Variants in LGALS3 observed in about 807,000 individuals in gnomAD.
LGALS3 encodes the protein galectin 3, also known as galectin-3.
Under a neutral mutation model 20.7 loss-of-function variants are expected in LGALS3, and 18 were observed. The ratio of observed to expected loss-of-function variants is 0.87; its 90% CI spans 0.60 to 1.29. LGALS3 has a LOEUF of 1.29. Among genes scored for constraint, LGALS3 ranks in the 50% most tolerant of loss-of-function variants. The pLI is 0.00. For synonymous variants in LGALS3, 112 were observed against 119.6 expected (o/e 0.94, Z 0.42); for missense variants, 315 against 314.7 (o/e 1.00, Z -0.01).
intron 4 of LGALS3, among the ~76,000 whole-genome samples, chr14:55,141,463 A>G (rs1881620691): frequency 1.3e-5 from 2 of 152,164 alleles, no homozygotes; most frequent in South Asian, 4.1e-4. Context: ...CACAACCCCT[A>G]ACGCACACTG....
chr14:55,136,114 A>G (rs939572532), intron 1 of LGALS3, among the ~76,000 whole-genome samples: 14 of 152,188 alleles, frequency 9.2e-5, no homozygotes, highest in Non-Finnish European at 1.5e-4. Context: ...GCTGTGAAGC[A>G]TCTTGTGCTT....
Position 55,142,686 on chromosome 14 carries a change from T to G in LGALS3, c.534T>G (p.Asp178Glu). ...RRVIVCNTKLDNNWGREERQS... is the reference protein window; with the variant it reads ...RRVIVCNTKLENNWGREERQS... Reference sequence around the variant, plus strand: ...TCATTGTTTGCAATACAAAGCTGGATAATAACTGGGGAAGGGAAGAAAGAC... The same window carrying G: ...TCATTGTTTGCAATACAAAGCTGGAGAATAACTGGGGAAGGGAAGAAAGAC... The change falls in exon 5 of 6, where the codon GAT becomes GAG. Residue 178 changes from aspartate (D) to glutamate (E), a missense_variant. By Grantham distance (45) the Asp-to-Glu change is conservative. Coordinates refer to ENST00000254301, the MANE Select transcript of LGALS3 (RefSeq NM_002306.4). 1.2e-6 allele frequency: 2 copies of G among 1,614,008 alleles called. No individual in the cohort carries two copies. The highest frequency in any genetic ancestry group is 1.6e-4 in the Middle Eastern group (1 of 6,062).
In LGALS3 at chr14:55,138,492, C is replaced by G. The variant is rs536046363; in HGVS notation, c.342+124C>G. The G allele has an allele frequency of 1.6e-5, 16 of 1,020,714 alleles. No individual in the cohort carries two copies. In the African/African-American group the frequency reaches 2.2e-4, roughly 14 times the overall value. The allele number at this position is 1,020,714 out of a possible 1,614,324, so 63.2% of individuals were successfully genotyped here. Reference sequence around the variant, plus strand: ...AGCCATGGGTGTATGTTGGTAGAGTCAAAAAATTAAGTGTTCATATTGAGC... The same window carrying G: ...AGCCATGGGTGTATGTTGGTAGAGTGAAAAAATTAAGTGTTCATATTGAGC... On this transcript the variant is annotated intron_variant, in intron 3 of 5. Transcript: ENST00000254301.
At chr14:55,136,279 C>T (rs1287043186) in intron 1 of LGALS3, among the ~76,000 whole-genome samples, 2 of 151,982 alleles carry the variant, frequency 1.3e-5, no homozygotes, top group Non-Finnish European at 2.9e-5. Flanking sequence ...TGTTGTACTG[C>T]CAAATATTTT....
chr14:55,137,915 A>T (rs1881461600), intron 2 of LGALS3, 130 bp from the exon 3 acceptor site: 7 of 1,335,934 alleles, frequency 5.2e-6, no homozygotes, highest in Admixed American at 3.6e-5. Context: ...AAGTGGAAAA[A>T]GTTTAATGAT....
rs757653263 is a variant in LGALS3 at position 55,140,284 on chromosome 14, TA to T, written c.353del (p.Tyr118LeufsTer14). 2 of 1,612,496 alleles carry T rather than the reference TA, an allele frequency of 1.2e-6. No individual in the cohort carries two copies. Among genetic ancestry groups the T allele is most frequent in the Non-Finnish European group, 1.7e-6 (2 of 1,178,640 alleles). On this transcript the variant is annotated frameshift_variant, in exon 4 of 6. Coordinates refer to ENST00000254301, the MANE Select transcript of LGALS3 (RefSeq NM_002306.4). LOFTEE classifies it high-confidence loss of function. Reference protein sequence around the residue: ...GAPAGPLIVPYNLPLPGGVVP... With the variant: ...GAPAGPLIVPXNLPLPGGVVP... ...ACTTGTTAATTCCCAGATTGTGCCT[TA>T]TAACCTGCCTTTGCCTGGGGGAGTG...
rs182580267 is a variant in LGALS3 at position 55,145,368 on chromosome 14, T to C, written c.*97T>C. ...GAGTGAAAATTTTTACATTCATCAATATCCCTCTTGTAAGTCATCTACTTA... is the reference window on the plus strand; with the variant it reads ...GAGTGAAAATTTTTACATTCATCAACATCCCTCTTGTAAGTCATCTACTTA... On this transcript the variant is annotated 3_prime_UTR_variant, in exon 6 of 6. Coordinates refer to ENST00000254301, the MANE Select transcript of LGALS3 (RefSeq NM_002306.4). 4 of 1,569,612 alleles carry C rather than the reference T, an allele frequency of 2.5e-6. No individual in the cohort carries two copies. The East Asian group carries it at 9.0e-5, about 35-fold the overall frequency.
intron 4 of LGALS3, among the ~76,000 whole-genome samples, chr14:55,141,801 CACAG>C (rs773501141): frequency 1.3e-5 from 2 of 152,208 alleles, no homozygotes; most frequent in Non-Finnish European, 2.9e-5. Context: ...AATCAAAATA[CACAG>C]ACAATCTTTG....
chr14:55,140,408 T>A, intron 4 of LGALS3, 45 bp downstream of exon 4: 1 of 1,266,476 alleles, frequency 7.9e-7, no homozygotes, highest in East Asian at 2.4e-5. Flanking sequence ...TGTAGATTGG[T>A]TTTTGAATAA....
intron 1 of LGALS3, 37 bp from the exon 2 acceptor site, chr14:55,137,333 G>C: frequency 3.1e-6 from 5 of 1,599,296 alleles, no homozygotes; most frequent in Non-Finnish European, 4.3e-6. Context: ...ATTGGTGAAA[G>C]CTTTTAGGAT....
At chr14:55,137,436 G>A (rs1881439932) in intron 2 of LGALS3, 45 bp downstream of exon 2, 2 of 1,614,136 alleles carry the variant, frequency 1.2e-6, no homozygotes, top group African/African-American at 1.3e-5. Context: ...AGCTCCACAT[G>A]GTTGAGGGTT....
chr14:55,142,764 C>T lies in LGALS3; in HGVS notation c.597+15C>T, dbSNP rs754340246. 12 of 1,584,530 alleles carry T rather than the reference C, an allele frequency of 7.6e-6. No homozygotes were observed. The African/African-American group carries it at 1.2e-4, about 16-fold the overall frequency. On this transcript the variant is annotated intron_variant, in intron 5 of 5. Coordinates refer to ENST00000254301, the MANE Select transcript of LGALS3 (RefSeq NM_002306.4). ...AACCATTCAAAGTAAGTTATTGCTA[C>T]TATTATATATTGATAATGTATATTT...
rs1491451602 is a variant in LGALS3, at chr14:55,130,751, GGT to G, written c.-5+1453_-5+1454del. The stretch of plus-strand genomic sequence containing the variant: ...ATTTTGTATTTTTCGTGGTGGTGGT[GGT>G]GGGGGGGGGGGGGTCCCTCCATGTT... On this transcript the variant is annotated intron_variant, in intron 1 of 5. Transcript: ENST00000254301. Among the ~76,000 whole-genome samples the G allele has an allele frequency of 7.9e-3, 953 of 121,052 alleles. 15 individuals carry two copies. The highest frequency in any genetic ancestry group is 0.021 in the East Asian group (89 of 4,258). 79.4% of individuals were successfully genotyped at this position (121,052 alleles called of 152,430 possible). A position where few individuals can be genotyped will look rare whatever the true frequency, so the allele number is the denominator to read the frequency against.
chr14:55,137,214 G>A lies in LGALS3; in HGVS notation c.-4-156G>A, dbSNP rs1456075566. Reference sequence around the variant, plus strand: ...GGCAATCTAGCTGGATAGCATCCCTGCCCCTTGAAGAGATGTTTTTGTGGC... The same window carrying A: ...GGCAATCTAGCTGGATAGCATCCCTACCCCTTGAAGAGATGTTTTTGTGGC... On this transcript the variant is annotated intron_variant, in intron 1 of 5. Transcript: ENST00000254301. The A allele has an allele frequency of 5.2e-6, 4 of 769,188 alleles. No homozygotes were observed. The East Asian group carries it at 9.8e-5, about 19-fold the overall frequency. 47.6% of individuals were successfully genotyped at this position (769,188 alleles called of 1,614,324 possible).
At chr14:55,136,761 T>C (rs1348906315) in intron 1 of LGALS3, among the ~76,000 whole-genome samples, 1 of 152,172 alleles carries the variant, frequency 6.6e-6, no homozygotes, top group African/African-American at 2.4e-5. Context: ...ATTCATTCAT[T>C]ATAACTATTT....
chr14:55,139,897 T>G (rs1448757384), intron 3 of LGALS3, among the ~76,000 whole-genome samples: 1 of 152,200 alleles, frequency 6.6e-6, no homozygotes, highest in Non-Finnish European at 1.5e-5. Context: ...GAATGTGATA[T>G]GCTGCTTGCC....
intron 5 of LGALS3, 84 bp from the exon 6 acceptor site, chr14:55,145,032 G>A: frequency 1.8e-6 from 2 of 1,096,982 alleles, no homozygotes. Context: ...TAGTGCAGAT[G>A]AAATATGTAT....
At chr14:55,137,497 G>T (rs1881442563) in intron 2 of LGALS3, 106 bp downstream of exon 2, 2 of 1,611,282 alleles carry the variant, frequency 1.2e-6, no homozygotes, top group Non-Finnish European at 1.7e-6. Context: ...CCACTGCGTG[G>T]CTTCCCCTGG....
In LGALS3 at chr14:55,137,289, C is replaced by T. The variant is rs1038249896; in HGVS notation, c.-4-81C>T. ...TGCCTAGAGATGGATTAGAACTGCA[C>T]AATGAACTAGTGGTGAGGTTCAGTT... On this transcript the variant is annotated intron_variant, in intron 1 of 5. Coordinates refer to ENST00000254301, the MANE Select transcript of LGALS3 (RefSeq NM_002306.4). The T allele has an allele frequency of 6.9e-6, 9 of 1,304,922 alleles. No homozygotes were observed. In the South Asian group the frequency reaches 9.4e-5, roughly 14 times the overall value. 80.8% of individuals were successfully genotyped at this position (1,304,922 alleles called of 1,614,324 possible).
Sources: allele counts gnomAD v4.1 joint callset (sites outside exome capture counted in the v4.1 genomes callset), GRCh38; gene constraint gnomAD v4.1.1; transcripts MANE v1.5; gene names NCBI Gene and HGNC (gene_info 2026-07-23, HGNC 2026-07-21).